GPC5: variants seen among roughly 807,000 people sequenced by gnomAD.
GPC5 encodes glypican-5.
A neutral mutation model predicts 53.9 loss-of-function variants in GPC5; 47 were observed. The ratio of observed to expected loss-of-function variants is 0.87; its 90% CI spans 0.69 to 1.11. GPC5 has a LOEUF of 1.11. Ranked by LOEUF, GPC5 falls within the 50% of genes most tolerant of loss-of-function variation. GPC5 has a pLI of 0.00. For synonymous variants in GPC5, 286 were observed against 263.3 expected (o/e 1.09, Z -0.84); for missense variants, 748 against 713.1 (o/e 1.05, Z -0.56).
intron 7 of GPC5, among the ~76,000 whole-genome samples, chr13:92,726,805 G>C (rs1010475897): frequency 1.3e-5 from 2 of 151,380 alleles, no homozygotes; most frequent in East Asian, 3.9e-4. Flanking sequence ...ATATGGCCAA[G>C]GAAAATTGAG....
chr13:92,487,282 C>T (rs1004291322), intron 7 of GPC5, among the ~76,000 whole-genome samples: 11 of 152,122 alleles, frequency 7.2e-5, no homozygotes, highest in African/African-American at 2.7e-4. Flanking sequence ...AACTGGTTTT[C>T]TCAGGAGACT....
At chr13:92,455,023 T>C (rs1463991236) in intron 7 of GPC5, among the ~76,000 whole-genome samples, 1 of 152,166 alleles carries the variant, frequency 6.6e-6, no homozygotes, top group Non-Finnish European at 1.5e-5. Context: ...CCACTTAATT[T>C]ACACATGCTA....
chr13:92,250,858 G>T (rs1347847799), intron 7 of GPC5, among the ~76,000 whole-genome samples: 1 of 151,864 alleles, frequency 6.6e-6, no homozygotes, highest in Admixed American at 6.6e-5. Flanking sequence ...CATATGGCAG[G>T]TCATTTTTAT....
intron 4 of GPC5, among the ~76,000 whole-genome samples, chr13:91,744,933 A>G (rs2037015317): frequency 6.6e-6 from 1 of 152,152 alleles, no homozygotes; most frequent in Non-Finnish European, 1.5e-5. Flanking sequence ...AGACTGAACA[A>G]TTAATTGCAT....
intron 7 of GPC5, among the ~76,000 whole-genome samples, chr13:92,175,132 CG>C (rs1269319630): frequency 1.3e-5 from 2 of 152,194 alleles, no homozygotes; most frequent in Non-Finnish European, 2.9e-5. Context: ...GGATTACAGG[CG>C]TGAGCCACTG....
At chr13:92,488,673 C>T (rs1879650088) in intron 7 of GPC5, among the ~76,000 whole-genome samples, 1 of 152,146 alleles carries the variant, frequency 6.6e-6, no homozygotes, top group Non-Finnish European at 1.5e-5. Flanking sequence ...GACATAAAAC[C>T]TGGTATTTAG....
intron 6 of GPC5, among the ~76,000 whole-genome samples, chr13:92,041,870 C>T (rs1279037650): frequency 6.6e-6 from 1 of 152,084 alleles, no homozygotes; most frequent in African/African-American, 2.4e-5. Context: ...TTTTGTGAAT[C>T]CAGGGGTCAA....
chr13:92,741,050 G>A (rs1199906364), intron 7 of GPC5, among the ~76,000 whole-genome samples: 1 of 149,586 alleles, frequency 6.7e-6, no homozygotes, highest in Non-Finnish European at 1.5e-5. Context: ...CTTCTACCTG[G>A]TAGGCATTCA....
chr13:91,568,098 C>A (rs1594265181), intron 2 of GPC5, among the ~76,000 whole-genome samples: 1 of 152,112 alleles, frequency 6.6e-6, no homozygotes, highest in East Asian at 1.9e-4. Flanking sequence ...TTGTACATTT[C>A]CTGAGGTCCC....
At chr13:92,134,413 C>T (rs563884998) in intron 6 of GPC5, among the ~76,000 whole-genome samples, 7 of 152,124 alleles carry the variant, frequency 4.6e-5, no homozygotes, top group Admixed American at 6.5e-5. Context: ...CAAATATATA[C>T]GTTAAAATGT....
chr13:92,401,316 T>A (rs929610936), intron 7 of GPC5, among the ~76,000 whole-genome samples: 1 of 151,952 alleles, frequency 6.6e-6, no homozygotes, highest in Non-Finnish European at 1.5e-5. Flanking sequence ...CCTGTGTAGA[T>A]GTATATTAAA....
chr13:91,619,036 G>A (rs953719635), intron 2 of GPC5, among the ~76,000 whole-genome samples: 1 of 151,902 alleles, frequency 6.6e-6, no homozygotes, highest in African/African-American at 2.4e-5. Context: ...TCTTTTCCTA[G>A]TAGAGTTTTT....
chr13:91,871,816 C>T (rs931831204), intron 5 of GPC5, among the ~76,000 whole-genome samples: 30 of 151,810 alleles, frequency 2.0e-4, no homozygotes, highest in Admixed American at 7.2e-4. Flanking sequence ...ATTGCCATGA[C>T]GCTAGATTAG....
At chr13:91,695,133 A>G (rs1195327456) in intron 3 of GPC5, among the ~76,000 whole-genome samples, 1 of 152,018 alleles carries the variant, frequency 6.6e-6, no homozygotes, top group Non-Finnish European at 1.5e-5. Flanking sequence ...CTGAAATTTA[A>G]CTCCCTGCTT....
chr13:92,437,853 TCTC>T (rs1158970845), intron 7 of GPC5, among the ~76,000 whole-genome samples: 3 of 152,050 alleles, frequency 2.0e-5, no homozygotes, highest in Non-Finnish European at 4.4e-5. Flanking sequence ...GATGAATCCT[TCTC>T]CTGCTGTAAA....
chr13:92,012,378 TCTC>T (rs888501281), intron 6 of GPC5, among the ~76,000 whole-genome samples: 1 of 152,208 alleles, frequency 6.6e-6, no homozygotes, highest in African/African-American at 2.4e-5. Flanking sequence ...AACATTTTTA[TCTC>T]CTCTTGTTAC....
intron 6 of GPC5, among the ~76,000 whole-genome samples, chr13:92,034,035 A>C (rs1306218881): frequency 3.9e-5 from 6 of 152,234 alleles, no homozygotes; most frequent in Admixed American, 3.9e-4. Flanking sequence ...ATGGAATACT[A>C]TACAGCAAAG....
rs2041114913 is a variant in GPC5, at chr13:92,060,596, C to T, written c.1402-84234C>T. ...AGTTCTTTCTTACTTGATAATGACA[C>T]AGAAAACAGAAGACATATATCAAAA... On this transcript the variant is annotated intron_variant, in intron 6 of 7. Transcript: ENST00000377067. 2.0e-5 allele frequency among the ~76,000 whole-genome samples: 3 copies of T among 152,032 alleles called. 1 individual carries two copies. In the South Asian group the frequency reaches 6.2e-4, roughly 32 times the overall value.
intron 1 of GPC5, among the ~76,000 whole-genome samples, chr13:91,439,038 C>A (rs957521047): frequency 1.3e-5 from 2 of 152,210 alleles, no homozygotes; most frequent in South Asian, 2.1e-4. Context: ...GTGTCGCTCA[C>A]GCTGGGAGCT....
Sources: allele counts gnomAD v4.1 joint callset (sites outside exome capture counted in the v4.1 genomes callset), GRCh38; gene constraint gnomAD v4.1.1; transcripts MANE v1.5; gene names NCBI Gene and HGNC (gene_info 2026-07-23, HGNC 2026-07-21).